Variants in SH3PXD2A observed in about 807,000 individuals in gnomAD.
SH3PXD2A encodes SH3 and PX domain-containing protein 2A.
A neutral mutation model predicts 115.2 loss-of-function variants in SH3PXD2A; 32 were observed. That is an observed-to-expected ratio of 0.28 (90% CI 0.21 to 0.37). The LOEUF (loss-of-function observed/expected upper bound fraction) is 0.37, where lower values mean the gene tolerates loss of function less well. Among genes scored for constraint, SH3PXD2A ranks in the 10% least tolerant of loss-of-function variants. The probability of loss-of-function intolerance (pLI) is 1.00; values close to 1 mark genes in which losing one functional copy is unlikely to be tolerated. For missense variants in SH3PXD2A, 1,328 were observed against 1,498.7 expected (o/e 0.89, Z 1.88); for synonymous variants, 610 against 629.1 (o/e 0.97, Z 0.45).
intron 2 of SH3PXD2A, among the ~76,000 whole-genome samples, chr10:103,796,701 C>A (rs1052638862): frequency 9.2e-5 from 14 of 152,216 alleles, no homozygotes; most frequent in African/African-American, 3.1e-4. Flanking sequence ...CCTGGACTCT[C>A]ATCTTTCTAC....
At chr10:103,656,322 A>G (rs1283856539) in intron 8 of SH3PXD2A, among the ~76,000 whole-genome samples, 1 of 152,248 alleles carries the variant, frequency 6.6e-6, no homozygotes, top group African/African-American at 2.4e-5. Flanking sequence ...AACGTTTGCC[A>G]ATCCATTGCT....
chr10:103,815,621 T>C (rs1016726584), intron 1 of SH3PXD2A, among the ~76,000 whole-genome samples: 1 of 151,878 alleles, frequency 6.6e-6, no homozygotes, highest in African/African-American at 2.4e-5. Flanking sequence ...CCAGGTGCGG[T>C]GGCTCATGCC....
rs2037416423 is a variant in SH3PXD2A at position 103,668,645 on chromosome 10, C to T, written c.435G>A (p.Leu145=). The T allele has an allele frequency of 1.3e-6, 2 of 1,560,298 alleles. No homozygotes were observed. The highest frequency in any genetic ancestry group is 1.7e-6 in the Non-Finnish European group (2 of 1,151,958). Residue 145 remains leucine (L), a synonymous_variant, in exon 7 of 15, where the codon CTG becomes CTA. Coordinates refer to ENST00000369774, the MANE Select transcript of SH3PXD2A (RefSeq NM_001394015.1). ...TCTTGGGCGACTCAGCCCAGCTGGA[C>T]AGCCACACTTCCGAGTCCCCGAGAG... ...YGSSKRKSVW[L]SSWAESPKKD...
chr10:103,651,224 C>T (rs1216939561), intron 8 of SH3PXD2A, among the ~76,000 whole-genome samples: 4 of 152,178 alleles, frequency 2.6e-5, no homozygotes, highest in Non-Finnish European at 4.4e-5. Flanking sequence ...ACACACCTCA[C>T]ACCCTTGGTG....
intron 8 of SH3PXD2A, among the ~76,000 whole-genome samples, chr10:103,630,745 TAAA>T (rs57562821): frequency 0.015 from 1,763 of 117,392 alleles, 20 homozygotes; most frequent in East Asian, 0.043. Flanking sequence ...TCCCTTCTCT[TAAA>T]AAAAAAAAAA....
chr10:103,622,984 G>A (rs1425238387), intron 9 of SH3PXD2A, among the ~76,000 whole-genome samples: 5 of 152,150 alleles, frequency 3.3e-5, no homozygotes, highest in South Asian at 4.1e-4. Context: ...ATGTCCACTC[G>A]CTCACTGAGT....
intron 14 of SH3PXD2A, among the ~76,000 whole-genome samples, chr10:103,604,999 T>C (rs2036278544): frequency 6.6e-6 from 1 of 152,206 alleles, no homozygotes; most frequent in African/African-American, 2.4e-5. Context: ...GTTAACTCAA[T>C]TACTACACAA....
At chr10:103,671,727 G>A (rs941782168) in intron 6 of SH3PXD2A, among the ~76,000 whole-genome samples, 6 of 152,188 alleles carry the variant, frequency 3.9e-5, no homozygotes, top group African/African-American at 7.2e-5. Flanking sequence ...CTGGGAAGAC[G>A]GGGAGTTGGA....
At chr10:103,641,071 A>C (rs2036948340) in intron 8 of SH3PXD2A, among the ~76,000 whole-genome samples, 1 of 152,176 alleles carries the variant, frequency 6.6e-6, no homozygotes, top group Non-Finnish European at 1.5e-5. Context: ...ATTTAGCAAA[A>C]GCTGTGCCAG....
intron 5 of SH3PXD2A, among the ~76,000 whole-genome samples, chr10:103,700,332 T>C (rs1237077317): frequency 6.6e-6 from 1 of 152,240 alleles, no homozygotes; most frequent in Admixed American, 6.5e-5. Flanking sequence ...CATGGGATAA[T>C]GTGCAAAGCT....
intron 6 of SH3PXD2A, among the ~76,000 whole-genome samples, chr10:103,671,186 C>G (rs934029689): frequency 1.3e-5 from 2 of 152,226 alleles, no homozygotes; most frequent in Non-Finnish European, 2.9e-5. Flanking sequence ...CTTTGCTGGA[C>G]AGGTGCTTGC....
intron 2 of SH3PXD2A, 94 bp from the exon 3 acceptor site, chr10:103,767,263 G>T: frequency 1.1e-6 from 1 of 897,994 alleles, no homozygotes; most frequent in Non-Finnish European, 1.8e-6. Flanking sequence ...CAGGGCCCCA[G>T]TGTCCTCACA....
At chr10:103,847,526 C>T (rs899010845) in intron 1 of SH3PXD2A, among the ~76,000 whole-genome samples, 52 of 152,240 alleles carry the variant, frequency 3.4e-4, no homozygotes, top group Admixed American at 1.6e-3. Context: ...GGTCTTGCTA[C>T]ATTGTCCAGG....
rs1387487317 is a variant in SH3PXD2A, at chr10:103,815,139, C to G, written c.73-13777G>C. ...AAAACATAGCACAAATCTCCATGAC[C>G]TTGAATTAGTCAAGGGTTTCTGAGA... On this transcript the variant is annotated intron_variant, in intron 1 of 14. Coordinates refer to ENST00000369774, the MANE Select transcript of SH3PXD2A (RefSeq NM_001394015.1). Among the ~76,000 whole-genome samples, 10 of 152,240 alleles carry G rather than the reference C, an allele frequency of 6.6e-5. No homozygotes were observed. The East Asian group carries it at 1.9e-3, about 29-fold the overall frequency.
intron 1 of SH3PXD2A, among the ~76,000 whole-genome samples, chr10:103,822,555 G>C (rs2039392139): frequency 1.3e-5 from 2 of 152,188 alleles, no homozygotes; most frequent in Admixed American, 6.5e-5. Flanking sequence ...GGTGGGGGGG[G>C]AGCAGCACTT....
chr10:103,615,483 G>GGTGGGTGTGTGTGT (rs2036498902), intron 11 of SH3PXD2A, among the ~76,000 whole-genome samples: 4 of 128,524 alleles, frequency 3.1e-5, no homozygotes, highest in Non-Finnish European at 6.6e-5. Context: ...AGAGTGCGAG[G>GGTGGGTGTGTGTGT]GTGTGTGTGT....
At chr10:103,682,770 AC>A (rs1388092190) in intron 6 of SH3PXD2A, among the ~76,000 whole-genome samples, 2 of 142,880 alleles carry the variant, frequency 1.4e-5, no homozygotes, top group African/African-American at 2.6e-5. Flanking sequence ...AAAAAAAAAA[AC>A]AAAACAAACC....
At chr10:103,855,149 G>C in intron 1 of SH3PXD2A, 46 bp downstream of exon 1, 1 of 1,431,488 alleles carries the variant, frequency 7.0e-7, no homozygotes, top group Non-Finnish European at 9.4e-7. Flanking sequence ...GGGCCCTCCC[G>C]GGACCTCGGG....
At chr10:103,610,988 G>A (rs2036418412) in intron 13 of SH3PXD2A, among the ~76,000 whole-genome samples, 1 of 152,194 alleles carries the variant, frequency 6.6e-6, no homozygotes, top group South Asian at 2.1e-4. Flanking sequence ...AGCATCGCAG[G>A]CACCCCAAGC....
Sources: gnomAD v4.1 joint callset for allele counts (sites outside exome capture counted in the v4.1 genomes callset) on GRCh38, gnomAD v4.1.1 for gene constraint, MANE v1.5 for transcripts, NCBI Gene and HGNC (gene_info 2026-07-23, HGNC 2026-07-21) for gene names.